Variants in IL3RA observed in about 807,000 individuals in gnomAD.
IL3RA encodes interleukin 3 receptor subunit alpha.
In IL3RA, 73 loss-of-function variants were observed where a neutral mutation model predicts 52.3. That is an observed-to-expected ratio of 1.40 (90% confidence interval 1.16 to 1.70). The LOEUF is 1.70. Ranked by LOEUF, IL3RA falls within the 40% of genes most tolerant of loss-of-function variation. The probability of loss-of-function intolerance (pLI) is 0.00; values close to 1 mark genes in which losing one functional copy is unlikely to be tolerated. For synonymous variants in IL3RA, 260 were observed against 194.0 expected (o/e 1.34, Z -2.83); for missense variants, 664 against 504.4 (o/e 1.32, Z -3.03).
At chrX:1,379,184 C>G (rs2089005044) in intron 10 of IL3RA, among the ~76,000 whole-genome samples, 2 of 150,978 alleles carry the variant, frequency 1.3e-5, no homozygotes, top group African/African-American at 4.9e-5. Flanking sequence ...TTTTTTGAGT[C>G]TTGCTCTGTC....
At chrX:1,361,060 C>T (rs2087269781) in intron 8 of IL3RA, among the ~76,000 whole-genome samples, 3 of 97,124 alleles carry the variant, frequency 3.1e-5, no homozygotes, top group East Asian at 7.1e-4. Flanking sequence ...TCTCTCCCTT[C>T]CCCTCTCTGT....
chrX:1,345,122 C>T (rs186669655), intron 2 of IL3RA, among the ~76,000 whole-genome samples, 194 bp from the exon 3 acceptor site: 17 of 151,030 alleles, frequency 1.1e-4, no homozygotes, highest in East Asian at 5.8e-4. Flanking sequence ...GAGCTGAGAT[C>T]GTGCCACTGT....
At chrX:1,362,727 C>G (rs1395255586) in intron 8 of IL3RA, among the ~76,000 whole-genome samples, 3 of 152,144 alleles carry the variant, frequency 2.0e-5, no homozygotes, top group African/African-American at 4.8e-5. Context: ...CACTCTCTGC[C>G]TCCGTCTCCA....
chrX:1,380,928 C>T, intron 10 of IL3RA, 95 bp from the exon 11 acceptor site: 1 of 1,057,510 alleles, frequency 9.5e-7, no homozygotes, highest in Non-Finnish European at 1.5e-6. Flanking sequence ...GTCTTTTGCT[C>T]TGTCCTGGCA....
At chrX:1,379,901 C>T (rs1469073632) in intron 10 of IL3RA, among the ~76,000 whole-genome samples, 3 of 152,220 alleles carry the variant, frequency 2.0e-5, no homozygotes, top group Non-Finnish European at 2.9e-5. Context: ...GCTGGGATTA[C>T]AAGGATGTGC....
intron 10 of IL3RA, 41 bp from the exon 11 acceptor site, chrX:1,380,982 G>C (rs369783322): frequency 1.3e-6 from 2 of 1,530,186 alleles, no homozygotes; most frequent in African/African-American, 2.7e-5. Flanking sequence ...TGAGCTGGTC[G>C]GTTTTGGGTT....
chrX:1,360,507 T>C, intron 8 of IL3RA, among the ~76,000 whole-genome samples: 1 of 150,568 alleles, frequency 6.6e-6, no homozygotes, highest in East Asian at 2.0e-4. Context: ...TCTCTCCCTT[T>C]CTCCTTCCCT....
intron 2 of IL3RA, among the ~76,000 whole-genome samples, chrX:1,344,121 A>C (rs1190452785): frequency 6.6e-6 from 1 of 151,954 alleles, no homozygotes; most frequent in Non-Finnish European, 1.5e-5. Context: ...AGCTCACAGA[A>C]GTCTCCTGTG....
chrX:1,380,237 A>G (rs1469378732), intron 10 of IL3RA, among the ~76,000 whole-genome samples: 1 of 149,528 alleles, frequency 6.7e-6, no homozygotes, highest in Non-Finnish European at 1.5e-5. Flanking sequence ...CATGTTGGTC[A>G]GGCTGTTCTC....
intron 8 of IL3RA, among the ~76,000 whole-genome samples, chrX:1,361,963 A>G (rs1484231091): frequency 6.6e-6 from 1 of 151,828 alleles, no homozygotes; most frequent in Non-Finnish European, 1.5e-5. Flanking sequence ...GGACACAGCC[A>G]AACTACATCA....
chrX:1,364,508 A>G (rs2087755060), intron 8 of IL3RA, among the ~76,000 whole-genome samples: 2 of 151,858 alleles, frequency 1.3e-5, no homozygotes, highest in South Asian at 2.1e-4. Context: ...AAACAAAACA[A>G]ATTTTCTTCT....
chrX:1,381,356 C>T lies in IL3RA; in HGVS notation c.1062+252C>T, dbSNP rs1433295759. On this transcript the variant is annotated intron_variant, in intron 11 of 11. Coordinates refer to ENST00000331035, the MANE Select transcript of IL3RA (RefSeq NM_002183.4). The stretch of plus-strand genomic sequence containing the variant: ...GAGGCTGCAGTGAACTACGATCGAG[C>T]CACTGCACTCCATCTGGGCGACAAG... Among the ~76,000 whole-genome samples the T allele has an allele frequency of 5.3e-5, 8 of 152,194 alleles. No homozygotes were observed. The East Asian group carries it at 1.6e-3, about 30-fold the overall frequency.
intron 11 of IL3RA, 45 bp from the exon 12 acceptor site, chrX:1,382,346 A>T: frequency 6.6e-7 from 1 of 1,514,526 alleles, no homozygotes; most frequent in Non-Finnish European, 9.2e-7. Context: ...GGGCTCTGTT[A>T]TCTGGGGGGT....
At chrX:1,347,995 C>T (rs1163411574) in intron 3 of IL3RA, among the ~76,000 whole-genome samples, 5 of 147,448 alleles carry the variant, frequency 3.4e-5, no homozygotes, top group African/African-American at 1.0e-4. Context: ...CGAGATCGCG[C>T]CCCTGCACTC....
chrX:1,367,163 G>C, intron 9 of IL3RA, among the ~76,000 whole-genome samples: 1 of 34,930 alleles, frequency 2.9e-5, no homozygotes, highest in Admixed American at 2.6e-4. Context: ...GGGTGCGCGG[G>C]GTGAGCCGGG....
At position 1,341,837 on chromosome X, in the gene IL3RA, C is replaced by G; in HGVS notation, c.64+8C>G. 5 of 1,613,860 alleles carry G rather than the reference C, an allele frequency of 3.1e-6. No individual in the cohort carries two copies. The highest frequency in any genetic ancestry group is 4.2e-6 in the Non-Finnish European group (5 of 1,179,812). The stretch of plus-strand genomic sequence containing the variant: ...TCCTGCAAACGAAGGAAGGTAAGAA[C>G]TGGAGAAAAAATGCACGTGCCACCT... On this transcript the variant is annotated splice_region_variant and intron_variant, in intron 2 of 11. Transcript: ENST00000331035.
At chrX:1,379,624 G>C (rs1360095917) in intron 10 of IL3RA, among the ~76,000 whole-genome samples, 1 of 152,240 alleles carries the variant, frequency 6.6e-6, no homozygotes, top group African/African-American at 2.4e-5. Context: ...GCCTGACACA[G>C]TCAGAGGGCG....
intron 10 of IL3RA, among the ~76,000 whole-genome samples, chrX:1,380,596 A>G (rs868350565): frequency 7.2e-5 from 1 of 13,824 alleles, no homozygotes; most frequent in Non-Finnish European, 1.1e-4. Flanking sequence ...GGGAAGGGGG[A>G]GGAGGAGAGG....
intron 9 of IL3RA, among the ~76,000 whole-genome samples, chrX:1,368,643 G>A (rs1444260105): frequency 6.6e-6 from 1 of 152,142 alleles, no homozygotes; most frequent in Non-Finnish European, 1.5e-5. Context: ...AATCTAACAG[G>A]ACTGGGGTCC....
Sources: gnomAD v4.1 joint callset for allele counts (sites outside exome capture counted in the v4.1 genomes callset) on GRCh38, gnomAD v4.1.1 for gene constraint, MANE v1.5 for transcripts, NCBI Gene and HGNC (gene_info 2026-07-23, HGNC 2026-07-21) for gene names.